PPP2R2B: variants seen among roughly 807,000 people sequenced by gnomAD.
PPP2R2B encodes the protein serine/threonine-protein phosphatase 2A 55 kDa regulatory subunit B beta isoform.
A neutral mutation model predicts 46.0 loss-of-function variants in PPP2R2B; 5 were observed. The ratio of observed to expected loss-of-function variants is 0.11; its 90% CI spans 0.06 to 0.23. PPP2R2B has a LOEUF of 0.23. Among genes scored for constraint, PPP2R2B ranks in the 10% least tolerant of loss-of-function variants. The probability of loss-of-function intolerance (pLI) is 1.00; values close to 1 mark genes in which losing one functional copy is unlikely to be tolerated. For synonymous variants in PPP2R2B, 215 were observed against 206.7 expected (o/e 1.04, Z -0.34); for missense variants, 367 against 575.0 (o/e 0.64, Z 3.70).
At chr5:147,057,126 A>AG (rs1757111237), upstream of PPP2R2B, among the ~76,000 whole-genome samples, 1 of 152,182 alleles carries the variant, frequency 6.6e-6, no homozygotes, top group South Asian at 2.1e-4. Context: ...GAGGGAAAAA[A>AG]CAAAGTCATT....
At chr5:146,606,051 G>A (rs1200842258) in intron 7 of PPP2R2B, among the ~76,000 whole-genome samples, 1 of 152,160 alleles carries the variant, frequency 6.6e-6, no homozygotes, top group Non-Finnish European at 1.5e-5. Flanking sequence ...AGTTATTCAA[G>A]AATTCAAAAA....
At chr5:146,592,758 C>A (rs1339045613) in intron 9 of PPP2R2B, among the ~76,000 whole-genome samples, 1 of 152,148 alleles carries the variant, frequency 6.6e-6, no homozygotes. Context: ...GTTATCTGTG[C>A]CAGTTCAGAA....
chr5:146,815,323 A>G (rs1213450992), intron 2 of PPP2R2B, among the ~76,000 whole-genome samples: 1 of 152,206 alleles, frequency 6.6e-6, no homozygotes, highest in African/African-American at 2.4e-5. Flanking sequence ...TCCTCTTCCA[A>G]TGTATATTCA....
At chr5:146,729,099 CA>C (rs373989652) in intron 2 of PPP2R2B, among the ~76,000 whole-genome samples, 200 of 152,242 alleles carry the variant, frequency 1.3e-3, no homozygotes, top group African/African-American at 4.5e-3. Flanking sequence ...TGGCTGTGTC[CA>C]AAATGCTGAT....
chr5:146,878,978 C>T, upstream of PPP2R2B: 1 of 1,076,516 alleles, frequency 9.3e-7, no homozygotes. The surrounding 1 kb of genome is among the most constrained non-coding windows in gnomAD (Gnocchi z 4.5). Flanking sequence ...AACCTCCTCC[C>T]CTCTCGCGCC....
At chr5:146,858,015 G>A (rs565101925) in intron 2 of PPP2R2B, among the ~76,000 whole-genome samples, 1 of 152,302 alleles carries the variant, frequency 6.6e-6, no homozygotes, top group African/African-American at 2.4e-5. Context: ...TAAAAATACA[G>A]CTTAACATTT....
At chr5:146,615,471 GT>G (rs1286662206) in intron 7 of PPP2R2B, among the ~76,000 whole-genome samples, 2 of 108,276 alleles carry the variant, frequency 1.8e-5, no homozygotes, top group Admixed American at 2.2e-4. Flanking sequence ...CCTGCACAAT[GT>G]TCACATGTAC....
intron 1 of PPP2R2B, among the ~76,000 whole-genome samples, chr5:146,972,776 T>C (rs1056759827): frequency 6.6e-6 from 1 of 152,148 alleles, no homozygotes; most frequent in Non-Finnish European, 1.5e-5. Flanking sequence ...ATTTATCTTA[T>C]AGGTAAGGAT....
intron 2 of PPP2R2B, among the ~76,000 whole-genome samples, chr5:146,823,320 C>A (rs539570054): frequency 1.4e-3 from 211 of 152,278 alleles, no homozygotes; most frequent in African/African-American, 4.6e-3. Context: ...GCCTCAGCCT[C>A]CTGAGTAGCT....
At chr5:146,879,374 G>A (rs1162333889), upstream of PPP2R2B, among the ~76,000 whole-genome samples, 1 of 152,154 alleles carries the variant, frequency 6.6e-6, no homozygotes, top group Non-Finnish European at 1.5e-5. Context: ...CACAGGTGGA[G>A]GAAAGCACCA....
chr5:146,723,814 C>T (rs1051843050), intron 2 of PPP2R2B, among the ~76,000 whole-genome samples: 2 of 152,106 alleles, frequency 1.3e-5, no homozygotes, highest in African/African-American at 4.8e-5. Flanking sequence ...GTTTATTTCT[C>T]TTCCTCCCAC....
intron 8 of PPP2R2B, among the ~76,000 whole-genome samples, chr5:146,594,699 C>T (rs921839488): frequency 6.6e-6 from 1 of 152,174 alleles, no homozygotes; most frequent in African/African-American, 2.4e-5. Flanking sequence ...AACTGAGCCC[C>T]GGTATCAGGC....
chr5:146,706,768 C>G, intron 2 of PPP2R2B: 1 of 807,380 alleles, frequency 1.2e-6, no homozygotes, highest in Non-Finnish European at 2.2e-6. Context: ...CATACTTGAT[C>G]TGATACATGC....
intron 2 of PPP2R2B, among the ~76,000 whole-genome samples, chr5:146,797,689 T>C (rs1756625013): frequency 1.3e-5 from 2 of 152,232 alleles, no homozygotes; most frequent in African/African-American, 2.4e-5. Flanking sequence ...GCAGTAACTG[T>C]CTGGTGAGCT....
At chr5:146,675,949 C>A (rs1777682790) in intron 5 of PPP2R2B, among the ~76,000 whole-genome samples, 1 of 151,982 alleles carries the variant, frequency 6.6e-6, no homozygotes, top group Admixed American at 6.6e-5. Context: ...GGAAGCTTAT[C>A]TTTTCCTTTG....
intron 1 of PPP2R2B, among the ~76,000 whole-genome samples, chr5:146,953,480 C>T (rs946676785): frequency 1.3e-5 from 2 of 152,036 alleles, no homozygotes; most frequent in African/African-American, 2.4e-5. Context: ...ACGATGGGAA[C>T]CTCACATAAG....
chr5:146,601,163 C>A (rs533392619), intron 7 of PPP2R2B, among the ~76,000 whole-genome samples: 2 of 152,296 alleles, frequency 1.3e-5, no homozygotes, highest in Non-Finnish European at 2.9e-5. Flanking sequence ...TATGAATATA[C>A]CACATTTTGT....
chr5:147,079,356 G>T lies in PPP2R2B; in HGVS notation c.50+1703C>A, dbSNP rs1479713282. On this transcript the variant is annotated intron_variant, in intron 2 of 10. Transcript: ENST00000394413. ...AAACAGATGAATAGATACATACAGTGATATATATATATATATAATATGTGA... is the reference window on the plus strand; with the variant it reads ...AAACAGATGAATAGATACATACAGTTATATATATATATATATAATATGTGA... 2.1e-5 allele frequency among the ~76,000 whole-genome samples: 3 copies of T among 142,338 alleles called. No homozygotes were observed. In the East Asian group the frequency reaches 6.1e-4, roughly 29 times the overall value. 93.4% of individuals were successfully genotyped at this position (142,338 alleles called of 152,430 possible). A position where few individuals can be genotyped will look rare whatever the true frequency, so the allele number is the denominator to read the frequency against.
chr5:146,767,045 C>CAAA (rs10605079), intron 2 of PPP2R2B, among the ~76,000 whole-genome samples: 1 of 46,310 alleles, frequency 2.2e-5, no homozygotes. Flanking sequence ...AGAAGTGTCT[C>CAAA]AAAAAAAAAA....
Sources: allele counts gnomAD v4.1 joint callset (sites outside exome capture counted in the v4.1 genomes callset), GRCh38; gene constraint gnomAD v4.1.1; non-coding constraint Gnocchi (gnomAD v3.1); transcripts MANE v1.5; gene names NCBI Gene and HGNC (gene_info 2026-07-23, HGNC 2026-07-21).